Variants in FAM124A observed in about 807,000 individuals in gnomAD.
The protein encoded by FAM124A is protein FAM124A.
FAM124A carries 23 observed loss-of-function variants against 24.5 expected under a neutral mutation model. The observed-to-expected ratio is 0.94, with a 90% CI of 0.68 to 1.33. The LOEUF (loss-of-function observed/expected upper bound fraction) is 1.33, where lower values mean the gene tolerates loss of function less well. Ranked by LOEUF, FAM124A falls within the 40% of genes most tolerant of loss-of-function variation. FAM124A has a pLI of 0.00. For missense variants in FAM124A, 623 were observed against 722.8 expected, an observed-to-expected ratio of 0.86 and a Z score of 1.58; for synonymous variants, 287 against 314.7, an observed-to-expected ratio of 0.91 and a Z score of 0.93.
In FAM124A at chr13:51,281,269, C is replaced by G; in HGVS notation, c.*13C>G. On this transcript the variant is annotated 3_prime_UTR_variant, in exon 4 of 4. Transcript: ENST00000322475. ...ATTCTACATCTGAATGCCCTCTGCT[C>G]TTGTTCTCGAAACACACAAACTCAG... The G allele has an allele frequency of 3.9e-6, 6 of 1,536,874 alleles. No individual in the cohort carries two copies. Among genetic ancestry groups the G allele is most frequent in the Non-Finnish European group, 5.2e-6 (6 of 1,146,916 alleles).
rs531928649 is a variant in FAM124A, at chr13:51,255,538, A to G, written c.834+3337A>G. 3.3e-5 allele frequency among the ~76,000 whole-genome samples: 5 copies of G among 152,342 alleles called. No individual in the cohort carries two copies. The East Asian group carries it at 5.8e-4, about 18-fold the overall frequency. On this transcript the variant is annotated intron_variant, in intron 3 of 3. Coordinates refer to ENST00000322475, the MANE Select transcript of FAM124A (RefSeq NM_001242312.2). ...GCAAAAGCAAAATGGAAAATCATCA[A>G]TGATGTGATTCAGAGTTCACACAGG...
chr13:51,224,395 C>T (rs983475603), intron 1 of FAM124A, among the ~76,000 whole-genome samples: 7 of 152,058 alleles, frequency 4.6e-5, no homozygotes, highest in Non-Finnish European at 8.8e-5. Context: ...CGCTTGAACC[C>T]GGGAGGCGGA....
chr13:51,245,415 C>T (rs1280909866), intron 2 of FAM124A: 1 of 644,088 alleles, frequency 1.6e-6, no homozygotes, highest in East Asian at 3.0e-5. Context: ...ATACCTGGCC[C>T]TCAGGTAGCC....
intron 3 of FAM124A, among the ~76,000 whole-genome samples, chr13:51,268,022 C>T (rs1954805805): frequency 6.6e-6 from 1 of 152,170 alleles, no homozygotes; most frequent in South Asian, 2.1e-4. Flanking sequence ...GGAGAGAAAG[C>T]CATCCTGCCT....
In FAM124A at chr13:51,272,980, T is replaced by C. The variant is rs1449782132; in HGVS notation, c.835-7470T>C. 6.6e-6 allele frequency among the ~76,000 whole-genome samples: 1 copy of C among 152,226 alleles called. No individual in the cohort carries two copies. The highest frequency in any genetic ancestry group is 1.5e-5 in the Non-Finnish European group (1 of 68,044). ...ATGACACTTGGATAAGGGTAAAACC[T>C]CTTTTTTTCCCCCATTATAAGCTTT... On this transcript the variant is annotated intron_variant, in intron 3 of 3. Coordinates refer to ENST00000322475, the MANE Select transcript of FAM124A (RefSeq NM_001242312.2). The surrounding 1 kb of genome is among the most constrained non-coding windows in gnomAD (Gnocchi z 4.2).
intron 2 of FAM124A, among the ~76,000 whole-genome samples, chr13:51,243,570 A>T (rs1954524344): frequency 6.6e-6 from 1 of 151,710 alleles, no homozygotes; most frequent in African/African-American, 2.4e-5. Context: ...TTTTGCCCTT[A>T]TTGCCCAGGC....
In FAM124A at chr13:51,279,851, C is replaced by T. The variant is rs997278989; in HGVS notation, c.835-599C>T. ...GCAACAAGTAGATAAATGCTAACCC[C>T]GATAGCCCCTCACTCATGGAGGATT... On this transcript the variant is annotated intron_variant, in intron 3 of 3. Transcript: ENST00000322475. Among the ~76,000 whole-genome samples, 22 of 152,154 alleles carry T rather than the reference C, an allele frequency of 1.4e-4. 1 individual carries two copies. The highest frequency in any genetic ancestry group is 1.4e-3 in the Admixed American group (21 of 15,282).
At chr13:51,259,054 C>G (rs76675758) in intron 3 of FAM124A, among the ~76,000 whole-genome samples, 4,311 of 152,262 alleles carry the variant, frequency 0.028, 103 homozygotes, top group East Asian at 0.071. Flanking sequence ...GAGACACTAA[C>G]TCAGGAACAG....
At chr13:51,269,736 C>A (rs1034881915) in intron 3 of FAM124A, among the ~76,000 whole-genome samples, 3 of 152,202 alleles carry the variant, frequency 2.0e-5, no homozygotes, top group Non-Finnish European at 4.4e-5. Context: ...GAGTTGAACT[C>A]AGTCAATTTA....
chr13:51,251,200 C>A lies in FAM124A; in HGVS notation c.101-268C>A, dbSNP rs915501791. Among the ~76,000 whole-genome samples the A allele has an allele frequency of 6.6e-6, 1 of 152,176 alleles. No homozygotes were observed. The highest frequency in any genetic ancestry group is 2.4e-5 in the African/African-American group (1 of 41,454). ...TCAAATGTTCCCTATACCAACCAACCTGATGAAATACAGGACCAAGGTTCT... is the reference window on the plus strand; with the variant it reads ...TCAAATGTTCCCTATACCAACCAACATGATGAAATACAGGACCAAGGTTCT... On this transcript the variant is annotated intron_variant, in intron 2 of 3. Coordinates refer to ENST00000322475, the MANE Select transcript of FAM124A (RefSeq NM_001242312.2). The surrounding 1 kb of genome is among the most constrained non-coding windows in gnomAD (Gnocchi z 5.3).
rs759011603 is a variant in FAM124A, at chr13:51,243,370, C to T, written c.101-8098C>T. Among the ~76,000 whole-genome samples, 5 of 152,134 alleles carry T rather than the reference C, an allele frequency of 3.3e-5. No individual in the cohort carries two copies. The South Asian group carries it at 6.2e-4, about 19-fold the overall frequency. ...TATTCATTACATTCCGGATGAATAGCGTCTCCCAGGAAGGAATTTGGAGGC... is the reference window on the plus strand; with the variant it reads ...TATTCATTACATTCCGGATGAATAGTGTCTCCCAGGAAGGAATTTGGAGGC... On this transcript the variant is annotated intron_variant, in intron 2 of 3. Coordinates refer to ENST00000322475, the MANE Select transcript of FAM124A (RefSeq NM_001242312.2).
chr13:51,252,232 G>T, intron 3 of FAM124A, 31 bp downstream of exon 3: 1 of 1,598,058 alleles, frequency 6.3e-7, no homozygotes, highest in East Asian at 2.2e-5. Context: ...TGTCTGTTTA[G>T]GGGACCTGAG....
chr13:51,225,007 C>T (rs543732268), intron 1 of FAM124A: 1 of 152,222 alleles, frequency 6.6e-6, no homozygotes, highest in Non-Finnish European at 1.5e-5. Flanking sequence ...GCTCAAGTGA[C>T]ACATCTGCTA....
chr13:51,264,598 G>A (rs1370989469), intron 3 of FAM124A, among the ~76,000 whole-genome samples: 1 of 151,782 alleles, frequency 6.6e-6, no homozygotes, highest in African/African-American at 2.4e-5. Context: ...AATAGCCACT[G>A]CACTCCAGCC....
chr13:51,270,899 C>A (rs1196552240), intron 3 of FAM124A, among the ~76,000 whole-genome samples: 1 of 152,148 alleles, frequency 6.6e-6, no homozygotes, highest in Non-Finnish European at 1.5e-5. Flanking sequence ...ACAGATAATA[C>A]TGCAAGAACA....
rs1325152018 is a variant in FAM124A, at chr13:51,281,807, T to C, written c.*551T>C. 6.6e-6 allele frequency: 1 copy of C among 152,266 alleles called. No homozygotes were observed. Among genetic ancestry groups the C allele is most frequent in the Non-Finnish European group, 1.5e-5 (1 of 68,084 alleles). 9.4% of individuals were successfully genotyped at this position (152,266 alleles called of 1,614,324 possible). ...TAATGGAAAAAGTCAGCTTGAGAAG[T>C]AAACGTATATCAGACTACAGGTAAT... On this transcript the variant is annotated 3_prime_UTR_variant, in exon 4 of 4. Coordinates refer to ENST00000322475, the MANE Select transcript of FAM124A (RefSeq NM_001242312.2).
intron 3 of FAM124A, among the ~76,000 whole-genome samples, chr13:51,260,593 T>C (rs963458022): frequency 1.3e-5 from 2 of 152,190 alleles, no homozygotes; most frequent in African/African-American, 4.8e-5. Context: ...CAGAGACCAT[T>C]CTTATCTCCA....
chr13:51,255,735 G>A (rs962898957), intron 3 of FAM124A, among the ~76,000 whole-genome samples: 5 of 135,138 alleles, frequency 3.7e-5, no homozygotes, highest in African/African-American at 1.6e-4. Context: ...CTGCAGTGAG[G>A]CCAGGTATGC....
chr13:51,241,536 A>G (rs1477739448), intron 2 of FAM124A, among the ~76,000 whole-genome samples: 1 of 152,122 alleles, frequency 6.6e-6, no homozygotes, highest in Non-Finnish European at 1.5e-5. Flanking sequence ...CACCATTGAC[A>G]AGTGGCCTGA....
Sources: gnomAD v4.1 joint callset for allele counts (sites outside exome capture counted in the v4.1 genomes callset) on GRCh38, gnomAD v4.1.1 for gene constraint, Gnocchi (gnomAD v3.1) non-coding constraint, MANE v1.5 for transcripts, NCBI Gene and HGNC (gene_info 2026-07-23, HGNC 2026-07-21) for gene names.